MERTK: variants seen among roughly 807,000 people sequenced by gnomAD.
MERTK encodes tyrosine-protein kinase Mer.
In MERTK, 69 loss-of-function variants were observed where a neutral mutation model predicts 99.3. That is an observed-to-expected ratio of 0.70 (90% CI 0.57 to 0.85). The LOEUF (loss-of-function observed/expected upper bound fraction) is 0.85. MERTK is among the 40% of genes least tolerant of loss of function. The pLI, the probability that MERTK is intolerant of heterozygous loss-of-function variation, is 0.00. For synonymous variants in MERTK, 426 were observed against 467.6 expected (o/e 0.91, Z 1.15); for missense variants, 1,125 against 1,249.4 (o/e 0.90, Z 1.50).
rs1677534082 is a variant in MERTK, at chr2:112,029,318, T to C, written c.*454T>C. 2 of 948,660 alleles carry C rather than the reference T, an allele frequency of 2.1e-6. No individual in the cohort carries two copies. Among genetic ancestry groups the C allele is most frequent in the Non-Finnish European group, 2.5e-6 (2 of 795,344 alleles). The allele number at this position is 948,660 out of a possible 1,614,324, so 58.8% of individuals were successfully genotyped here. On this transcript the variant is annotated 3_prime_UTR_variant, in exon 19 of 19. Coordinates refer to ENST00000295408, the MANE Select transcript of MERTK (RefSeq NM_006343.3). Reference sequence around the variant, plus strand: ...GATTCATTCAATGTTTAAAGTTGTATAACTGATTAATTTTCTGATATGGCT... The same window carrying C: ...GATTCATTCAATGTTTAAAGTTGTACAACTGATTAATTTTCTGATATGGCT...
At chr2:111,907,740 T>G (rs1465769004) in intron 1 of MERTK, among the ~76,000 whole-genome samples, 1 of 152,236 alleles carries the variant, frequency 6.6e-6, no homozygotes, top group Non-Finnish European at 1.5e-5. Flanking sequence ...TCAATATTAT[T>G]ATGTCATTTT....
intron 2 of MERTK, chr2:111,940,833 G>A (rs933679443): frequency 2.1e-6 from 2 of 941,590 alleles, no homozygotes; most frequent in Non-Finnish European, 1.7e-6. Context: ...TTAAACGACA[G>A]TTAACATCTC....
At chr2:111,928,013 G>A (rs911305861) in intron 1 of MERTK, among the ~76,000 whole-genome samples, 4 of 152,146 alleles carry the variant, frequency 2.6e-5, no homozygotes, top group African/African-American at 9.7e-5. Flanking sequence ...AAAGCTAAAA[G>A]TACAGCTATT....
At chr2:111,983,249 A>G (rs1175026646) in intron 8 of MERTK, among the ~76,000 whole-genome samples, 1 of 152,282 alleles carries the variant, frequency 6.6e-6, no homozygotes, top group Admixed American at 6.5e-5. Flanking sequence ...TGAGATAGAC[A>G]TAGAATTCAT....
chr2:111,936,903 C>G (rs1000367941), intron 2 of MERTK, among the ~76,000 whole-genome samples: 1 of 152,138 alleles, frequency 6.6e-6, no homozygotes, highest in African/African-American at 2.4e-5. Flanking sequence ...AAACAGCCCT[C>G]TAGCTTGGGT....
intron 7 of MERTK, among the ~76,000 whole-genome samples, chr2:111,978,623 A>G (rs1021457276): frequency 2.6e-4 from 40 of 152,186 alleles, no homozygotes; most frequent in Non-Finnish European, 4.6e-4. Flanking sequence ...CAGCCTTTTC[A>G]TAACTGTTTC....
chr2:112,002,670 A>G (rs1558803426), intron 11 of MERTK, among the ~76,000 whole-genome samples: 1 of 152,184 alleles, frequency 6.6e-6, no homozygotes, highest in Non-Finnish European at 1.5e-5. Flanking sequence ...GAGAGAAATA[A>G]TAGATACAAA....
rs1011548165 is a variant in MERTK, at chr2:112,002,925, G to A, written c.1691-167G>A. Among the ~76,000 whole-genome samples the A allele has an allele frequency of 3.3e-5, 5 of 152,126 alleles. No individual in the cohort carries two copies. In the South Asian group the frequency reaches 1.0e-3, roughly 32 times the overall value. On this transcript the variant is annotated intron_variant, in intron 11 of 18. Coordinates refer to ENST00000295408, the MANE Select transcript of MERTK (RefSeq NM_006343.3). ...GAGGCAGAGGTTGCAGTGAGCCAAG[G>A]TTGCACCATTGCACTCCAGCCTGGG...
rs1008742725 is a variant in MERTK at position 111,988,672 on chromosome 2, G to A, written c.1297-5579G>A. On this transcript the variant is annotated intron_variant, in intron 8 of 18. Coordinates refer to ENST00000295408, the MANE Select transcript of MERTK (RefSeq NM_006343.3). ...TTAACCCTTAACTGTGAGGCCAGGC[G>A]TGGTGGCTCACGCCTATAATCTCAG... Among the ~76,000 whole-genome samples the A allele has an allele frequency of 3.9e-5, 6 of 152,242 alleles. No individual in the cohort carries two copies. In the East Asian group the frequency reaches 9.6e-4, roughly 24 times the overall value.
At chr2:111,939,654 ATTTTTTTTTTTTTTTTTTT>A (rs1184269274) in intron 2 of MERTK, among the ~76,000 whole-genome samples, 1 of 88,246 alleles carries the variant, frequency 1.1e-5, no homozygotes, top group Non-Finnish European at 2.3e-5. Flanking sequence ...CTAATTTTTA[ATTTTTTTTTTTTTTTTTTT>A]TTTTTTTTTG....
intron 1 of MERTK, among the ~76,000 whole-genome samples, chr2:111,917,737 T>G (rs1684379615): frequency 6.6e-6 from 1 of 152,074 alleles, no homozygotes; most frequent in African/African-American, 2.4e-5. Context: ...ATACAAAAAT[T>G]AGCTGGGCGT....
chr2:111,906,086 T>A (rs1201388754), intron 1 of MERTK, among the ~76,000 whole-genome samples: 2 of 152,092 alleles, frequency 1.3e-5, no homozygotes, highest in Non-Finnish European at 2.9e-5. Flanking sequence ...TGCCTCCATG[T>A]ATTTCTGTTG....
intron 4 of MERTK, among the ~76,000 whole-genome samples, chr2:111,951,396 G>A (rs898847182): frequency 1.3e-5 from 2 of 151,648 alleles, no homozygotes; most frequent in African/African-American, 4.8e-5. Context: ...GCACATGTAA[G>A]TGAGACCATG....
chr2:112,020,894 C>T (rs1160263907), intron 16 of MERTK, among the ~76,000 whole-genome samples: 4 of 152,034 alleles, frequency 2.6e-5, no homozygotes, highest in African/African-American at 7.2e-5. Flanking sequence ...CAGAGCGATG[C>T]AAGACTGCAT....
chr2:112,021,951 C>T (rs547151600), intron 17 of MERTK, among the ~76,000 whole-genome samples: 4 of 152,048 alleles, frequency 2.6e-5, no homozygotes, highest in African/African-American at 9.6e-5. Context: ...TGTGTAATTA[C>T]GCCCTTGACC....
intron 18 of MERTK, among the ~76,000 whole-genome samples, chr2:112,023,402 A>G (rs900176210): frequency 6.6e-6 from 1 of 152,138 alleles, no homozygotes; most frequent in Non-Finnish European, 1.5e-5. Context: ...CGGCAGAGTA[A>G]AACTCCATCT....
intron 1 of MERTK, among the ~76,000 whole-genome samples, chr2:111,924,276 A>G (rs1463973778): frequency 1.3e-5 from 2 of 152,242 alleles, no homozygotes; most frequent in Non-Finnish European, 2.9e-5. Context: ...TGGCAACCCT[A>G]TGAGGCACCA....
chr2:111,903,570 G>T, intron 1 of MERTK, among the ~76,000 whole-genome samples: 1 of 152,212 alleles, frequency 6.6e-6, no homozygotes, highest in Non-Finnish European at 1.5e-5. Context: ...TTTGGCCCTT[G>T]CCGTTAGTTT....
chr2:111,914,034 A>AT (rs986955993), intron 1 of MERTK, among the ~76,000 whole-genome samples: 21 of 121,852 alleles, frequency 1.7e-4, no homozygotes, highest in South Asian at 2.6e-4. Flanking sequence ...GTTCCCATCC[A>AT]TTTTTTTTTT....
Sources: gnomAD v4.1 joint callset for allele counts (sites outside exome capture counted in the v4.1 genomes callset) on GRCh38, gnomAD v4.1.1 for gene constraint, MANE v1.5 for transcripts, NCBI Gene and HGNC (gene_info 2026-07-23, HGNC 2026-07-21) for gene names.